Variants in TMEM163 observed in about 807,000 individuals in gnomAD.
TMEM163 encodes the protein transmembrane protein 163.
TMEM163 carries 17 observed loss-of-function variants against 29.3 expected under a neutral mutation model. The ratio of observed to expected loss-of-function variants is 0.58; its 90% CI spans 0.40 to 0.87. TMEM163 has a LOEUF of 0.87. Among genes scored for constraint, TMEM163 ranks in the 40% least tolerant of loss-of-function variants. The pLI is 0.00. For missense variants in TMEM163, 303 were observed against 381.5 expected (o/e 0.79, Z 1.71); for synonymous variants, 157 against 160.6 (o/e 0.98, Z 0.17).
intron 4 of TMEM163, among the ~76,000 whole-genome samples, chr2:134,542,415 G>A (rs1427918028): frequency 1.3e-5 from 2 of 152,096 alleles, no homozygotes; most frequent in Non-Finnish European, 2.9e-5. Context: ...AGCTTCGTAC[G>A]GCTGCCACAA....
intron 5 of TMEM163, among the ~76,000 whole-genome samples, chr2:134,501,273 T>C (rs1443713574): frequency 1.3e-5 from 2 of 152,192 alleles, no homozygotes; most frequent in African/African-American, 4.8e-5. Flanking sequence ...GTTGGATATG[T>C]ACACCTTGAG....
chr2:134,542,815 C>A (rs761942558), intron 4 of TMEM163, among the ~76,000 whole-genome samples: 1 of 152,160 alleles, frequency 6.6e-6, no homozygotes, highest in African/African-American at 2.4e-5. Flanking sequence ...ATTAAACTTA[C>A]AGGGAAGCTC....
chr2:134,493,173 T>C (rs1679466747), intron 5 of TMEM163, among the ~76,000 whole-genome samples: 1 of 152,074 alleles, frequency 6.6e-6, no homozygotes. Flanking sequence ...ATAAGTCCCT[T>C]TTCTTATTGG....
At chr2:134,527,780 G>T (rs1254259294) in intron 4 of TMEM163, among the ~76,000 whole-genome samples, 1 of 152,194 alleles carries the variant, frequency 6.6e-6, no homozygotes, top group East Asian at 1.9e-4. Context: ...AAAGCCCTCT[G>T]ATGAGGTGAT....
At chr2:134,576,267 T>C (rs568318237) in intron 2 of TMEM163, among the ~76,000 whole-genome samples, 1 of 152,260 alleles carries the variant, frequency 6.6e-6, no homozygotes, top group African/African-American at 2.4e-5. Flanking sequence ...GACTTGCCTG[T>C]GAAATTCTAC....
intron 4 of TMEM163, among the ~76,000 whole-genome samples, chr2:134,522,859 C>CG (rs745947077): frequency 3.7e-4 from 57 of 152,064 alleles, no homozygotes; most frequent in African/African-American, 6.8e-4. Flanking sequence ...AAACAAGGGG[C>CG]GGGGGGAAAA....
chr2:134,481,574 C>G (rs1353151281), intron 5 of TMEM163, among the ~76,000 whole-genome samples: 1 of 152,152 alleles, frequency 6.6e-6, no homozygotes, highest in Non-Finnish European at 1.5e-5. Flanking sequence ...ACCTCTTTTT[C>G]CTTGTAAATT....
chr2:134,640,934 A>AAGCTGTCCATGTTT (rs1683208912), intron 2 of TMEM163, among the ~76,000 whole-genome samples: 1 of 152,216 alleles, frequency 6.6e-6, no homozygotes, highest in Admixed American at 6.5e-5. Flanking sequence ...GTTGTAGATA[A>AAGCTGTCCATGTTT]AGCTGTCCAT....
intron 2 of TMEM163, among the ~76,000 whole-genome samples, chr2:134,561,108 T>C (rs1681162650): frequency 6.6e-6 from 1 of 152,254 alleles, no homozygotes. Flanking sequence ...CTCCGCCGTC[T>C]CCGATGGCGT....
At chr2:134,535,724 TTTTTGTTTGTTTG>T (rs1183568517) in intron 4 of TMEM163, among the ~76,000 whole-genome samples, 1 of 148,518 alleles carries the variant, frequency 6.7e-6, no homozygotes, top group African/African-American at 2.6e-5. Flanking sequence ...ATGGTTTTTT[TTTTTGTTTGTTTG>T]TTTTTTTTGA....
At chr2:134,584,416 G>A (rs77330659) in intron 2 of TMEM163, among the ~76,000 whole-genome samples, 3 of 152,174 alleles carry the variant, frequency 2.0e-5, no homozygotes, top group African/African-American at 7.2e-5. Flanking sequence ...CAAGGCAGAG[G>A]TCATGGAATG....
At chr2:134,508,225 G>A (rs977660231) in intron 4 of TMEM163, among the ~76,000 whole-genome samples, 2 of 152,126 alleles carry the variant, frequency 1.3e-5, no homozygotes, top group African/African-American at 4.8e-5. Context: ...AGCCAAACAA[G>A]AGAAGCTTCT....
chr2:134,641,136 T>C (rs1037812751), intron 2 of TMEM163, among the ~76,000 whole-genome samples: 12 of 152,064 alleles, frequency 7.9e-5, no homozygotes, highest in African/African-American at 2.9e-4. Flanking sequence ...GAGATAAGGG[T>C]AGTCAAATAA....
intron 2 of TMEM163, among the ~76,000 whole-genome samples, chr2:134,671,041 C>A (rs568982104): frequency 2.6e-5 from 4 of 152,192 alleles, no homozygotes; most frequent in Non-Finnish European, 4.4e-5. Flanking sequence ...TCTCAAAGGA[C>A]CCCCTCTGGG....
chr2:134,520,360 A>G (rs143370754), intron 4 of TMEM163, among the ~76,000 whole-genome samples: 107 of 152,318 alleles, frequency 7.0e-4, no homozygotes, highest in African/African-American at 2.5e-3. Context: ...TTGCTATGAG[A>G]AAAGGCAGTA....
Position 134,655,481 on chromosome 2 carries a change from C to T in TMEM163, c.322+57719G>A, listed in dbSNP as rs1454395111. 1.5e-5 allele frequency among the ~76,000 whole-genome samples: 2 copies of T among 129,914 alleles called. 1 individual carries two copies. The highest frequency in any genetic ancestry group is 3.1e-5 in the Non-Finnish European group (2 of 63,640). 85.2% of individuals were successfully genotyped at this position (129,914 alleles called of 152,430 possible). A position where few individuals can be genotyped will look rare whatever the true frequency, so the allele number is the denominator to read the frequency against. ...TTTTTCAAAGTTTTCAACTTCTTTG[C>T]CTTTGGTTTGAATGTCCTCCCGTAG... On this transcript the variant is annotated intron_variant, in intron 2 of 7. Transcript: ENST00000281924.
At chr2:134,714,752 C>T (rs900221780) in intron 1 of TMEM163, among the ~76,000 whole-genome samples, 5 of 152,156 alleles carry the variant, frequency 3.3e-5, no homozygotes, top group Non-Finnish European at 7.3e-5. Flanking sequence ...GTAAAAATCT[C>T]CCCAAACCTT....
At chr2:134,600,876 A>G (rs1682213445) in intron 2 of TMEM163, among the ~76,000 whole-genome samples, 1 of 152,118 alleles carries the variant, frequency 6.6e-6, no homozygotes, top group African/African-American at 2.4e-5. Context: ...CACCCATGAG[A>G]GAGGGCACTA....
At chr2:134,697,135 A>T (rs185312167) in intron 2 of TMEM163, among the ~76,000 whole-genome samples, 1 of 152,112 alleles carries the variant, frequency 6.6e-6, no homozygotes, top group Non-Finnish European at 1.5e-5. Flanking sequence ...ATATCTATAA[A>T]GCTCTATGTA....
Sources: allele counts gnomAD v4.1 joint callset (sites outside exome capture counted in the v4.1 genomes callset), GRCh38; gene constraint gnomAD v4.1.1; transcripts MANE v1.5; gene names NCBI Gene and HGNC (gene_info 2026-07-23, HGNC 2026-07-21).